Variants in FBLN5 observed in about 807,000 individuals in gnomAD.
FBLN5 encodes the protein fibulin-5.
In FBLN5, 24 loss-of-function variants were observed where a neutral mutation model predicts 61.6. That is an observed-to-expected ratio of 0.39 (90% CI 0.28 to 0.55). The LOEUF (loss-of-function observed/expected upper bound fraction) is 0.55, where lower values mean the gene tolerates loss of function less well. FBLN5 is among the 20% of genes least tolerant of loss of function. The probability of loss-of-function intolerance (pLI) is 0.65; values close to 1 mark genes in which losing one functional copy is unlikely to be tolerated. For synonymous variants in FBLN5, 213 were observed against 219.8 expected (o/e 0.97, Z 0.27); for missense variants, 470 against 594.1 (o/e 0.79, Z 2.17).
At chr14:91,921,569 C>G (rs979262624) in intron 4 of FBLN5, among the ~76,000 whole-genome samples, 6 of 152,222 alleles carry the variant, frequency 3.9e-5, no homozygotes, top group Non-Finnish European at 5.9e-5. Flanking sequence ...CCCAGACCTA[C>G]TGAGTCAGAA....
At chr14:91,896,751 G>A (rs1890243266) in intron 4 of FBLN5, among the ~76,000 whole-genome samples, 1 of 152,108 alleles carries the variant, frequency 6.6e-6, no homozygotes, top group African/African-American at 2.4e-5. Flanking sequence ...CTGAGGGAGG[G>A]CTGAGCTTTT....
At chr14:91,937,843 C>T (rs555019417) in intron 3 of FBLN5, among the ~76,000 whole-genome samples, 15 of 152,144 alleles carry the variant, frequency 9.9e-5, no homozygotes, top group African/African-American at 2.4e-4. Flanking sequence ...CAACAGAGAA[C>T]GGACTAAAAC....
intron 6 of FBLN5, among the ~76,000 whole-genome samples, chr14:91,890,756 G>A (rs1889955091): frequency 6.6e-6 from 1 of 152,178 alleles, no homozygotes; most frequent in Non-Finnish European, 1.5e-5. Flanking sequence ...GGAGGGAAAA[G>A]TATAGCAAGA....
Position 91,947,303 on chromosome 14 carries a change from C to G in FBLN5, c.-74G>C. On this transcript the variant is annotated 5_prime_UTR_variant, in exon 1 of 11. Coordinates refer to ENST00000342058, the MANE Select transcript of FBLN5 (RefSeq NM_006329.4). The surrounding 1 kb of genome is among the most constrained non-coding windows in gnomAD (Gnocchi z 4.3). ...GGCGGGACCCCCGGAGGAGCTCGGGCACGTCGGCCTCCTCTGGGCCCTCGG... is the reference window on the plus strand; with the variant it reads ...GGCGGGACCCCCGGAGGAGCTCGGGGACGTCGGCCTCCTCTGGGCCCTCGG... 4 of 1,581,238 alleles carry G rather than the reference C, an allele frequency of 2.5e-6. No individual in the cohort carries two copies. The highest frequency in any genetic ancestry group is 3.3e-4 in the Middle Eastern group (2 of 5,992).
chr14:91,934,592 T>C (rs1432097134), intron 4 of FBLN5, among the ~76,000 whole-genome samples: 1 of 152,162 alleles, frequency 6.6e-6, no homozygotes, highest in African/African-American at 2.4e-5. Flanking sequence ...TGTTTCCTCC[T>C]CTCCTAGAAC....
chr14:91,919,487 T>C (rs2055695458), intron 4 of FBLN5, among the ~76,000 whole-genome samples: 1 of 151,978 alleles, frequency 6.6e-6, no homozygotes, highest in African/African-American at 2.4e-5. Flanking sequence ...AAGAGGGCTG[T>C]GTCCTGTGTT....
chr14:91,880,526 C>CGTGTGTGTGTGT (rs140201135), intron 9 of FBLN5, among the ~76,000 whole-genome samples: 6 of 147,456 alleles, frequency 4.1e-5, no homozygotes, highest in African/African-American at 1.5e-4. Context: ...AGTGTGCGTG[C>CGTGTGTGTGTGT]GTGTGTGTGT....
At chr14:91,941,469 C>T (rs2056102851) in intron 2 of FBLN5, among the ~76,000 whole-genome samples, 1 of 152,144 alleles carries the variant, frequency 6.6e-6, no homozygotes, top group Non-Finnish European at 1.5e-5. Context: ...AGCTCCCATC[C>T]CTGGCCTTTT....
intron 1 of FBLN5, chr14:91,946,878 A>C (rs117567118): frequency 0.039 from 58,301 of 1,478,670 alleles, 1,335 homozygotes; most frequent in Non-Finnish European, 0.046. Context: ...GGCCTCCCGA[A>C]ATTTAAAAAA....
chr14:91,872,494 T>C (rs1255421027), intron 10 of FBLN5, among the ~76,000 whole-genome samples: 2 of 151,974 alleles, frequency 1.3e-5, no homozygotes, highest in Non-Finnish European at 2.9e-5. Flanking sequence ...ACCTAGCTGG[T>C]TTAAAGCTAC....
At chr14:91,920,871 T>C (rs1408329209) in intron 4 of FBLN5, among the ~76,000 whole-genome samples, 2 of 152,236 alleles carry the variant, frequency 1.3e-5, no homozygotes, top group African/African-American at 2.4e-5. Context: ...TCATTAGAAC[T>C]GGTCTTCAAC....
intron 4 of FBLN5, among the ~76,000 whole-genome samples, chr14:91,918,322 C>A (rs576645767): frequency 3.3e-5 from 5 of 152,298 alleles, no homozygotes; most frequent in Admixed American, 6.5e-5. Flanking sequence ...GTGGGAAGGA[C>A]CCCAGCTCTG....
chr14:91,912,750 C>T (rs959750751), intron 4 of FBLN5, among the ~76,000 whole-genome samples: 4 of 150,058 alleles, frequency 2.7e-5, no homozygotes, highest in African/African-American at 9.8e-5. Context: ...ATCGAGGCTG[C>T]CATGAGCCAT....
At chr14:91,922,169 T>C (rs2055747614) in intron 4 of FBLN5, among the ~76,000 whole-genome samples, 1 of 151,984 alleles carries the variant, frequency 6.6e-6, no homozygotes, top group African/African-American at 2.4e-5. Context: ...GGCAGGTGCC[T>C]GTAATCCCAG....
At chr14:91,909,291 C>T (rs1258194247) in intron 4 of FBLN5, among the ~76,000 whole-genome samples, 1 of 152,148 alleles carries the variant, frequency 6.6e-6, no homozygotes, top group African/African-American at 2.4e-5. Flanking sequence ...CTAGCCTAGC[C>T]ATAAGACTGT....
At position 91,942,959 on chromosome 14, in the gene FBLN5, A is replaced by T; in HGVS notation, c.20T>A (p.Ile7Lys). The T allele has an allele frequency of 6.4e-7, 1 of 1,550,942 alleles. No homozygotes were observed. The highest frequency in any genetic ancestry group is 8.7e-7 in the Non-Finnish European group (1 of 1,143,856). MPGIKR[I>K]LTVTILALCL... ...GAGAGCCAGAATGGTAACAGTGAGTATCCTGTGGAGGTGAAAAGTCAAATA... is the reference window on the plus strand; with the variant it reads ...GAGAGCCAGAATGGTAACAGTGAGTTTCCTGTGGAGGTGAAAAGTCAAATA... Residue 7 changes from isoleucine to lysine, a missense_variant and splice_region_variant, in exon 2 of 11, where the codon ATA becomes AAA. Physicochemically the swap from Ile to Lys is moderately radical, Grantham distance 102. Transcript: ENST00000342058.
intron 4 of FBLN5, among the ~76,000 whole-genome samples, chr14:91,908,141 A>C (rs899347789): frequency 6.6e-6 from 1 of 152,216 alleles, no homozygotes; most frequent in East Asian, 1.9e-4. Flanking sequence ...CAACTGACGC[A>C]ATGTACTTCA....
rs76891890 is a variant in FBLN5, at chr14:91,907,343, G to A, written c.380-12271C>T. The stretch of plus-strand genomic sequence containing the variant: ...ACACATTGAGCCTCCCTACCAGCCC[G>A]AAACCACCTGCCTCTGGACTGCAGC... On this transcript the variant is annotated intron_variant, in intron 4 of 10. Transcript: ENST00000342058. Among the ~76,000 whole-genome samples, 280 of 152,220 alleles carry A rather than the reference G, an allele frequency of 1.8e-3. 10 individuals carry two copies. The East Asian group carries it at 0.047, about 26-fold the overall frequency.
chr14:91,879,496 G>A (rs974498887), intron 9 of FBLN5, among the ~76,000 whole-genome samples: 2 of 152,172 alleles, frequency 1.3e-5, no homozygotes, highest in East Asian at 1.9e-4. Context: ...CATTGTCAGC[G>A]TCATGCCAGA....
Sources: allele counts gnomAD v4.1 joint callset (sites outside exome capture counted in the v4.1 genomes callset), GRCh38; gene constraint gnomAD v4.1.1; non-coding constraint Gnocchi (gnomAD v3.1); transcripts MANE v1.5; gene names NCBI Gene and HGNC (gene_info 2026-07-23, HGNC 2026-07-21).